Variants in FSTL4 observed in about 807,000 individuals in gnomAD.
FSTL4 encodes follistatin like 4.
A neutral mutation model predicts 78.2 loss-of-function variants in FSTL4; 28 were observed. The ratio of observed to expected loss-of-function variants is 0.36; its 90% CI spans 0.27 to 0.49. The LOEUF (loss-of-function observed/expected upper bound fraction) is 0.49, where lower values mean the gene tolerates loss of function less well. FSTL4 is among the 20% of genes least tolerant of loss of function. The pLI is 0.98. For synonymous variants in FSTL4, 422 were observed against 440.5 expected, an observed-to-expected ratio of 0.96 and a Z score of 0.53; for missense variants, 922 against 1,084.9, an observed-to-expected ratio of 0.85 and a Z score of 2.11.
chr5:133,520,886 G>C (rs931061470), intron 3 of FSTL4, among the ~76,000 whole-genome samples: 1 of 152,132 alleles, frequency 6.6e-6, no homozygotes, highest in South Asian at 2.1e-4. Context: ...CTGATGTGGA[G>C]GAAGAAGGTG....
At chr5:133,502,238 G>A (rs1271284999) in intron 3 of FSTL4, among the ~76,000 whole-genome samples, 1 of 152,196 alleles carries the variant, frequency 6.6e-6, no homozygotes, top group African/African-American at 2.4e-5. Context: ...AGGTTATCCA[G>A]GTAGGACTGA....
At chr5:133,755,849 C>T in the FSTL4 span, among the ~76,000 whole-genome samples, 3 of 152,244 alleles carry the variant, frequency 2.0e-5, no homozygotes, top group Admixed American at 1.3e-4. Flanking sequence ...CTGTGTTCAG[C>T]CCATCTTCTC....
At chr5:133,667,947 G>T in the FSTL4 span, among the ~76,000 whole-genome samples, 1 of 152,210 alleles carries the variant, frequency 6.6e-6, no homozygotes, top group Non-Finnish European at 1.5e-5. Context: ...ATTCAGTGGT[G>T]AATCAATGTG....
chr5:133,682,729 G>A, the FSTL4 span, among the ~76,000 whole-genome samples: 6 of 152,214 alleles, frequency 3.9e-5, no homozygotes, highest in Admixed American at 2.6e-4. Flanking sequence ...GAGGGCTGGT[G>A]GGTGGGGTGG....
intron 4 of FSTL4, among the ~76,000 whole-genome samples, chr5:133,395,854 C>T (rs1038454305): frequency 2.6e-4 from 40 of 152,160 alleles, no homozygotes; most frequent in African/African-American, 9.2e-4. Flanking sequence ...AATTCTTACC[C>T]CAGGCTCCAC....
At chr5:133,700,491 T>C in the FSTL4 span, among the ~76,000 whole-genome samples, 1 of 152,126 alleles carries the variant, frequency 6.6e-6, no homozygotes, top group South Asian at 2.1e-4. Context: ...CACCAAAAGT[T>C]TCTGCTCACG....
At chr5:133,645,151 T>C in the FSTL4 span, among the ~76,000 whole-genome samples, 7,768 of 152,208 alleles carry the variant, frequency 0.051, 677 homozygotes, top group African/African-American at 0.18. Flanking sequence ...CAATTCTGTG[T>C]CCTTTCGAAA....
chr5:133,524,007 T>C (rs1345284625), intron 3 of FSTL4, among the ~76,000 whole-genome samples: 8 of 152,102 alleles, frequency 5.3e-5, no homozygotes, highest in Non-Finnish European at 1.2e-4. Flanking sequence ...TCAGTGGTGG[T>C]CTCTCTGGGA....
At chr5:133,620,370 T>C in the FSTL4 span, among the ~76,000 whole-genome samples, 2 of 152,198 alleles carry the variant, frequency 1.3e-5, no homozygotes, top group Non-Finnish European at 2.9e-5. Context: ...CTGAATATAA[T>C]TGTCACTCTA....
intron 3 of FSTL4, among the ~76,000 whole-genome samples, chr5:133,503,862 A>C (rs946046220): frequency 6.6e-6 from 1 of 152,222 alleles, no homozygotes; most frequent in African/African-American, 2.4e-5. Context: ...TGGATAAATT[A>C]TAAAGGAAAG....
At chr5:133,438,590 C>T (rs1275822087) in intron 3 of FSTL4, among the ~76,000 whole-genome samples, 3 of 152,210 alleles carry the variant, frequency 2.0e-5, no homozygotes, top group Admixed American at 1.3e-4. Flanking sequence ...ACTGCAGAAC[C>T]TTTACATTCA....
chr5:133,347,057 C>CA (rs1028420078), intron 4 of FSTL4, among the ~76,000 whole-genome samples: 5 of 152,154 alleles, frequency 3.3e-5, no homozygotes, highest in African/African-American at 9.7e-5. Context: ...CCCTATCCCC[C>CA]ACAGCCAGTT....
the FSTL4 span, among the ~76,000 whole-genome samples, chr5:133,644,868 AG>A: frequency 6.6e-6 from 1 of 152,094 alleles, no homozygotes; most frequent in Non-Finnish European, 1.5e-5. Flanking sequence ...AGTAGATCAG[AG>A]GCTGGAAGAA....
the FSTL4 span, among the ~76,000 whole-genome samples, chr5:133,622,476 A>G: frequency 6.6e-6 from 1 of 152,210 alleles, no homozygotes; most frequent in African/African-American, 2.4e-5. Flanking sequence ...TAAAAATGTT[A>G]CACGAAAAAG....
At chr5:133,421,679 AC>A (rs1756699926) in intron 3 of FSTL4, among the ~76,000 whole-genome samples, 1 of 152,328 alleles carries the variant, frequency 6.6e-6, no homozygotes, top group African/African-American at 2.4e-5. Flanking sequence ...CAGGAGGATA[AC>A]AAGTGAGCCC....
chr5:133,511,766 G>A (rs937702632), intron 3 of FSTL4, among the ~76,000 whole-genome samples: 2 of 152,184 alleles, frequency 1.3e-5, no homozygotes, highest in Admixed American at 6.5e-5. Flanking sequence ...GGAGGCAGAA[G>A]CCAGGAGTAT....
intron 3 of FSTL4, among the ~76,000 whole-genome samples, chr5:133,563,634 G>A (rs1281556046): frequency 6.6e-6 from 1 of 152,238 alleles, no homozygotes; most frequent in Non-Finnish European, 1.5e-5. Flanking sequence ...ACAGTCTGGT[G>A]CCTGGGCACT....
chr5:133,239,498 C>G (rs994685612), intron 7 of FSTL4, among the ~76,000 whole-genome samples: 1 of 152,220 alleles, frequency 6.6e-6, no homozygotes, highest in South Asian at 2.1e-4. Context: ...CACTCTGTCT[C>G]TAGCTCAAGG....
At chr5:133,826,373 G>A in the FSTL4 span, among the ~76,000 whole-genome samples, 1 of 152,208 alleles carries the variant, frequency 6.6e-6, no homozygotes, top group African/African-American at 2.4e-5. Flanking sequence ...CACAAACTGG[G>A]TGGCTTATAA....
Sources: allele counts gnomAD v4.1 joint callset (sites outside exome capture counted in the v4.1 genomes callset), GRCh38; gene constraint gnomAD v4.1.1; transcripts MANE v1.5; gene names NCBI Gene and HGNC (gene_info 2026-07-23, HGNC 2026-07-21).